Variants in RPS6KA5 observed in about 807,000 individuals in gnomAD.
RPS6KA5 encodes ribosomal protein S6 kinase alpha-5.
In RPS6KA5, 27 loss-of-function variants were observed where a neutral mutation model predicts 85.5. The observed-to-expected ratio is 0.32, with a 90% CI of 0.23 to 0.44. The LOEUF (loss-of-function observed/expected upper bound fraction) is 0.44, where lower values mean the gene tolerates loss of function less well. RPS6KA5 is among the 20% of genes least tolerant of loss of function. RPS6KA5 has a pLI of 1.00. For missense variants in RPS6KA5, 811 were observed against 980.9 expected (o/e 0.83, Z 2.31); for synonymous variants, 334 against 348.2 (o/e 0.96, Z 0.46).
chr14:91,052,415 C>T (rs542130531), intron 1 of RPS6KA5: 2 of 368,338 alleles, frequency 5.4e-6, no homozygotes, highest in Non-Finnish European at 5.2e-6. Flanking sequence ...TTATAGTGAG[C>T]CGAGATCAGC....
intron 14 of RPS6KA5, among the ~76,000 whole-genome samples, chr14:90,876,574 G>A (rs978818686): frequency 2.0e-5 from 3 of 152,176 alleles, no homozygotes; most frequent in African/African-American, 7.2e-5. Context: ...TCTTGGGGGT[G>A]GTTTTCTCTG....
rs2031822490 is a variant in RPS6KA5 at position 90,848,380 on chromosome 14, A to G, written c.*23694T>C. ...AGAAGAGGGAAGTTCATTATGAATT[A>G]ATACTTGGAAGATTCTAGCCCAGCT... On this transcript the variant is annotated 3_prime_UTR_variant, in exon 17 of 17. Coordinates refer to ENST00000614987, the MANE Select transcript of RPS6KA5 (RefSeq NM_004755.4). The G allele has an allele frequency of 6.6e-6, 1 of 152,210 alleles. No individual in the cohort carries two copies. 9.4% of individuals were successfully genotyped at this position (152,210 alleles called of 1,614,324 possible). A position where few individuals can be genotyped will look rare whatever the true frequency, so the allele number is the denominator to read the frequency against.
chr14:90,950,067 C>T (rs2038093023), intron 3 of RPS6KA5, among the ~76,000 whole-genome samples: 1 of 152,196 alleles, frequency 6.6e-6, no homozygotes, highest in Non-Finnish European at 1.5e-5. Flanking sequence ...AATCCACGAA[C>T]ATGGGGGATG....
At chr14:90,902,066 G>C (rs1566716286) in intron 9 of RPS6KA5, among the ~76,000 whole-genome samples, 1 of 151,620 alleles carries the variant, frequency 6.6e-6, no homozygotes. Context: ...TGTGGTCCCA[G>C]CTATTCAGGA....
chr14:91,023,082 T>TAAAAAA (rs368649949), intron 1 of RPS6KA5, among the ~76,000 whole-genome samples: 51 of 96,438 alleles, frequency 5.3e-4, no homozygotes, highest in African/African-American at 2.0e-3. Context: ...AAACTCTATC[T>TAAAAAA]AAAAAAAAAA....
intron 2 of RPS6KA5, among the ~76,000 whole-genome samples, chr14:90,992,756 C>T (rs1330328844): frequency 1.3e-5 from 2 of 152,162 alleles, no homozygotes; most frequent in African/African-American, 4.8e-5. Flanking sequence ...GTCTTCCCAG[C>T]AAGAGGATTT....
rs763431562 is a variant in RPS6KA5 at position 90,974,499 on chromosome 14, G to A, written c.394+3807C>T. On this transcript the variant is annotated intron_variant, in intron 3 of 16. Coordinates refer to ENST00000614987, the MANE Select transcript of RPS6KA5 (RefSeq NM_004755.4). ...GAGGTGAAGTCTATTTCTGCATCCCGTGAATCCAGGCTGGTCTTGTGTTGA... is the reference window on the plus strand; with the variant it reads ...GAGGTGAAGTCTATTTCTGCATCCCATGAATCCAGGCTGGTCTTGTGTTGA... Among the ~76,000 whole-genome samples the A allele has an allele frequency of 9.8e-5, 15 of 152,312 alleles. 1 individual carries two copies. Among genetic ancestry groups the A allele is most frequent in the Middle Eastern group, 3.4e-3 (1 of 294 alleles).
Position 91,058,549 on chromosome 14 carries a change from T to C in RPS6KA5, c.103+1783A>G, listed in dbSNP as rs145503434. Among the ~76,000 whole-genome samples the C allele has an allele frequency of 8.9e-4, 135 of 152,328 alleles. 1 individual carries two copies. The highest frequency in any genetic ancestry group is 3.2e-3 in the African/African-American group (131 of 41,584). ...TTGCTGTACAGTAGGATTCCATACA[T>C]ATAAATCAGTGGATCGTTATGTAAG... On this transcript the variant is annotated intron_variant, in intron 1 of 16. Transcript: ENST00000614987.
In RPS6KA5 at chr14:90,868,199, T is replaced by G. The variant is rs143627365; in HGVS notation, c.*3875A>C. The G allele has an allele frequency of 3.3e-5, 5 of 152,306 alleles. No individual in the cohort carries two copies. The highest frequency in any genetic ancestry group is 1.2e-4 in the African/African-American group (5 of 41,584). The allele number at this position is 152,306 out of a possible 1,614,324, so 9.4% of individuals were successfully genotyped here. On this transcript the variant is annotated 3_prime_UTR_variant, in exon 17 of 17. Transcript: ENST00000614987. ...TTATTTTCTTTGGGTAGATTATACT[T>G]AAAATATTTCCTTCATACATACTTC...
At chr14:91,019,207 C>T (rs749602114) in intron 1 of RPS6KA5, among the ~76,000 whole-genome samples, 8 of 152,000 alleles carry the variant, frequency 5.3e-5, no homozygotes, top group Non-Finnish European at 1.2e-4. Flanking sequence ...TTTGACTGGG[C>T]CATGAGGTAC....
chr14:91,050,738 T>C (rs928536959), intron 1 of RPS6KA5, among the ~76,000 whole-genome samples: 10 of 152,142 alleles, frequency 6.6e-5, no homozygotes, highest in African/African-American at 2.4e-4. Flanking sequence ...CGGCTTGCTT[T>C]TGTAAGCTAT....
intron 1 of RPS6KA5, among the ~76,000 whole-genome samples, chr14:91,057,517 T>C (rs1429051916): frequency 1.3e-5 from 2 of 152,126 alleles, no homozygotes; most frequent in Admixed American, 1.3e-4. Context: ...GTAAATGGAC[T>C]ATTATAGTAC....
chr14:90,962,818 T>A (rs1566798468), intron 3 of RPS6KA5, among the ~76,000 whole-genome samples: 1 of 152,216 alleles, frequency 6.6e-6, no homozygotes, highest in Admixed American at 6.5e-5. Flanking sequence ...TCTGTTTTCA[T>A]ATATGTGCAT....
At chr14:90,991,403 T>C (rs927429289) in intron 2 of RPS6KA5, among the ~76,000 whole-genome samples, 12 of 151,714 alleles carry the variant, frequency 7.9e-5, no homozygotes, top group East Asian at 1.9e-4. Flanking sequence ...TGTGAGAAAA[T>C]AGAAGTAAAG....
At chr14:91,006,193 T>C (rs887846165) in intron 1 of RPS6KA5, among the ~76,000 whole-genome samples, 13 of 152,194 alleles carry the variant, frequency 8.5e-5, no homozygotes, top group African/African-American at 3.1e-4. Flanking sequence ...CTCACTGTGT[T>C]AAAAGATCAG....
chr14:90,903,617 C>A (rs1360923144), intron 8 of RPS6KA5, among the ~76,000 whole-genome samples: 1 of 152,192 alleles, frequency 6.6e-6, no homozygotes, highest in Non-Finnish European at 1.5e-5. Flanking sequence ...AGCCCCTTTT[C>A]CCTCTAGGTC....
chr14:90,991,701 C>CAAAA (rs57545603), intron 2 of RPS6KA5, among the ~76,000 whole-genome samples: 68 of 85,914 alleles, frequency 7.9e-4, no homozygotes, highest in East Asian at 2.4e-3. Context: ...GACTCCATCT[C>CAAAA]AAAAAAAAAA....
In RPS6KA5 at chr14:90,960,730, T is replaced by C. The variant is rs985432761; in HGVS notation, c.395-13180A>G. On this transcript the variant is annotated intron_variant, in intron 3 of 16. Coordinates refer to ENST00000614987, the MANE Select transcript of RPS6KA5 (RefSeq NM_004755.4). ...CTGAATAACTTTTCTGCCAAAATTA[T>C]GATCCATTAGATTTCTGAAAATTCC... Among the ~76,000 whole-genome samples the C allele has an allele frequency of 7.2e-5, 11 of 152,374 alleles. No individual in the cohort carries two copies. In the East Asian group the frequency reaches 1.7e-3, roughly 24 times the overall value.
chr14:90,930,037 A>G (rs1197058113), intron 5 of RPS6KA5, among the ~76,000 whole-genome samples: 1 of 152,104 alleles, frequency 6.6e-6, no homozygotes, highest in Non-Finnish European at 1.5e-5. Context: ...CACTCAACTA[A>G]TTTTTTAAAT....
Sources: gnomAD v4.1 joint callset for allele counts (sites outside exome capture counted in the v4.1 genomes callset) on GRCh38, gnomAD v4.1.1 for gene constraint, MANE v1.5 for transcripts, NCBI Gene and HGNC (gene_info 2026-07-23, HGNC 2026-07-21) for gene names.